ZFAND3: variants seen among roughly 807,000 people sequenced by gnomAD.
ZFAND3 encodes the protein AN1-type zinc finger protein 3.
Under a neutral mutation model 29.6 loss-of-function variants are expected in ZFAND3, and 10 were observed. The observed-to-expected ratio is 0.34, with a 90% CI of 0.21 to 0.57. The LOEUF (loss-of-function observed/expected upper bound fraction) is 0.57. Among genes scored for constraint, ZFAND3 ranks in the 20% least tolerant of loss-of-function variants. The pLI is 0.86. For missense variants in ZFAND3, 230 were observed against 304.5 expected (o/e 0.76, Z 1.82); for synonymous variants, 128 against 112.6 (o/e 1.14, Z -0.87).
intron 2 of ZFAND3, among the ~76,000 whole-genome samples, chr6:38,027,619 A>G (rs1418631579): frequency 6.6e-6 from 1 of 152,218 alleles, no homozygotes; most frequent in Admixed American, 6.5e-5. Flanking sequence ...GCTCAGAGAG[A>G]GTAGCAAGGA....
At chr6:37,851,606 GCA>G (rs2127379328) in intron 1 of ZFAND3, among the ~76,000 whole-genome samples, 1 of 152,150 alleles carries the variant, frequency 6.6e-6, no homozygotes, top group East Asian at 1.9e-4. Flanking sequence ...AAGTGTTGTT[GCA>G]CAGTTATGAA....
At chr6:37,850,139 T>C (rs1418471446) in intron 1 of ZFAND3, among the ~76,000 whole-genome samples, 1 of 152,192 alleles carries the variant, frequency 6.6e-6, no homozygotes, top group Non-Finnish European at 1.5e-5. Context: ...CTTGAGTATC[T>C]TATCTGAATT....
chr6:37,846,897 G>A (rs1764189752), intron 1 of ZFAND3, among the ~76,000 whole-genome samples: 1 of 151,904 alleles, frequency 6.6e-6, no homozygotes, highest in Admixed American at 6.6e-5. Flanking sequence ...AGTTTTAATA[G>A]AGATGGGGTT....
chr6:38,036,012 T>C (rs1018253854), intron 2 of ZFAND3, among the ~76,000 whole-genome samples: 7 of 152,310 alleles, frequency 4.6e-5, no homozygotes, highest in Non-Finnish European at 7.3e-5. Flanking sequence ...CTCCATGTTA[T>C]GGAAAGTCTC....
intron 4 of ZFAND3, among the ~76,000 whole-genome samples, chr6:38,089,204 C>T (rs1764817171): frequency 6.6e-6 from 1 of 152,012 alleles, no homozygotes; most frequent in Non-Finnish European, 1.5e-5. Context: ...CACACTGCAA[C>T]CTCTGTCTCC....
chr6:38,106,742 C>G (rs1201101655), intron 4 of ZFAND3, among the ~76,000 whole-genome samples: 4 of 152,036 alleles, frequency 2.6e-5, no homozygotes, highest in African/African-American at 9.7e-5. Context: ...TTGGGGCCAC[C>G]TTGAGGGGAC....
intron 5 of ZFAND3, among the ~76,000 whole-genome samples, chr6:38,130,292 A>G (rs879205905): frequency 6.6e-6 from 1 of 152,092 alleles, no homozygotes; most frequent in African/African-American, 2.4e-5. Context: ...AATGATTTGG[A>G]TGCCCTTTAT....
intron 4 of ZFAND3, among the ~76,000 whole-genome samples, chr6:38,111,722 T>C (rs1404894484): frequency 6.6e-6 from 1 of 152,214 alleles, no homozygotes; most frequent in Non-Finnish European, 1.5e-5. Flanking sequence ...TATGTGTTAA[T>C]TGTCTGTGTG....
chr6:37,929,715 T>G (rs1053922319), intron 1 of ZFAND3, among the ~76,000 whole-genome samples: 1 of 152,054 alleles, frequency 6.6e-6, no homozygotes, highest in Admixed American at 6.5e-5. Flanking sequence ...AAACATTGGC[T>G]AATTTACAGG....
intron 1 of ZFAND3, among the ~76,000 whole-genome samples, chr6:37,914,334 G>T (rs1254712084): frequency 6.6e-6 from 1 of 152,080 alleles, no homozygotes; most frequent in Non-Finnish European, 1.5e-5. Context: ...AGGCAGAGTA[G>T]ATTTAGCATA....
At chr6:37,978,711 GTT>G (rs1309004551) in intron 2 of ZFAND3, among the ~76,000 whole-genome samples, 1 of 152,098 alleles carries the variant, frequency 6.6e-6, no homozygotes, top group African/African-American at 2.4e-5. Flanking sequence ...GCATAAAGTT[GTT>G]TATAACATTT....
At chr6:37,858,973 T>A (rs1414507098) in intron 1 of ZFAND3, among the ~76,000 whole-genome samples, 1 of 152,238 alleles carries the variant, frequency 6.6e-6, no homozygotes, top group Non-Finnish European at 1.5e-5. Flanking sequence ...CTTTCATGCA[T>A]GTATTATTAT....
intron 1 of ZFAND3, among the ~76,000 whole-genome samples, chr6:37,852,876 C>T (rs75895612): frequency 0.067 from 10,142 of 152,034 alleles, 408 homozygotes; most frequent in Non-Finnish European, 0.085. Context: ...CCACCATGCC[C>T]AGCCTTTATG....
At chr6:38,079,062 T>C (rs1014535920) in intron 3 of ZFAND3, among the ~76,000 whole-genome samples, 3 of 152,228 alleles carry the variant, frequency 2.0e-5, no homozygotes, top group South Asian at 2.1e-4. Context: ...TGCATTGATT[T>C]TAACAGAGTT....
chr6:38,054,218 CAA>C (rs34198332), intron 2 of ZFAND3, among the ~76,000 whole-genome samples: 21 of 112,008 alleles, frequency 1.9e-4, no homozygotes, highest in East Asian at 2.7e-4. Context: ...CCATCTCTAT[CAA>C]AAAAAAAAAA....
intron 3 of ZFAND3, among the ~76,000 whole-genome samples, chr6:38,079,957 A>G (rs1170475099): frequency 6.6e-6 from 1 of 151,764 alleles, no homozygotes; most frequent in Admixed American, 6.6e-5. Flanking sequence ...CATAGTGTGT[A>G]TGTGTTAAAA....
chr6:37,958,755 C>T lies in ZFAND3; in HGVS notation c.112+28756C>T, dbSNP rs568132577. Reference sequence around the variant, plus strand: ...GACCGCCCCCCCCTTCCCCACCCACCGACGGACAAAATGTACCTTGTGTTT... The same window carrying T: ...GACCGCCCCCCCCTTCCCCACCCACTGACGGACAAAATGTACCTTGTGTTT... On this transcript the variant is annotated intron_variant, in intron 2 of 5. Transcript: ENST00000287218. Among the ~76,000 whole-genome samples, 221 of 152,018 alleles carry T rather than the reference C, an allele frequency of 1.5e-3. 2 individuals are homozygous for T. Among genetic ancestry groups the T allele is most frequent in the African/African-American group, 4.3e-3 (177 of 41,462 alleles).
chr6:37,918,243 T>C (rs1761301029), intron 1 of ZFAND3, among the ~76,000 whole-genome samples: 2 of 152,060 alleles, frequency 1.3e-5, no homozygotes, highest in South Asian at 4.2e-4. Flanking sequence ...CGCTGGCTAA[T>C]TTTTTGTATT....
At chr6:38,051,584 TTTTTG>T (rs1310618549) in intron 2 of ZFAND3, among the ~76,000 whole-genome samples, 6 of 152,092 alleles carry the variant, frequency 3.9e-5, no homozygotes, top group African/African-American at 1.2e-4. Flanking sequence ...AAAGAGAAGT[TTTTTG>T]TTTTGTTTTT....
Sources: allele counts gnomAD v4.1 joint callset (sites outside exome capture counted in the v4.1 genomes callset), GRCh38; gene constraint gnomAD v4.1.1; transcripts MANE v1.5; gene names NCBI Gene and HGNC (gene_info 2026-07-23, HGNC 2026-07-21).